ZNF804A: variants seen among roughly 807,000 people sequenced by gnomAD.
The protein encoded by ZNF804A is zinc finger protein 804A.
In ZNF804A, 2 loss-of-function variants were observed where a neutral mutation model predicts 16.5. The observed-to-expected ratio is 0.12, with a 90% CI of 0.05 to 0.38. ZNF804A has a LOEUF of 0.38. ZNF804A is among the 10% of genes least tolerant of loss of function. The pLI, the probability that ZNF804A is intolerant of heterozygous loss-of-function variation, is 0.99. For synonymous variants in ZNF804A, 534 were observed against 489.6 expected, an observed-to-expected ratio of 1.09 and a Z score of -1.20; for missense variants, 1,473 against 1,390.7, an observed-to-expected ratio of 1.06 and a Z score of -0.94.
At chr2:184,819,302 C>T (rs576469064) in intron 1 of ZNF804A, among the ~76,000 whole-genome samples, 24 of 152,116 alleles carry the variant, frequency 1.6e-4, no homozygotes, top group Middle Eastern at 3.4e-3. Flanking sequence ...CCCTGAACAA[C>T]CTGCTTCTGG....
intron 1 of ZNF804A, among the ~76,000 whole-genome samples, chr2:184,863,976 C>T (rs188051576): frequency 3.9e-5 from 6 of 152,152 alleles, no homozygotes; most frequent in Admixed American, 3.9e-4. Context: ...AGAAATGGTG[C>T]ATTACTTATT....
chr2:184,878,539 A>G (rs954012653), intron 2 of ZNF804A, among the ~76,000 whole-genome samples: 6 of 152,080 alleles, frequency 3.9e-5, no homozygotes, highest in African/African-American at 7.2e-5. Flanking sequence ...CATGCCCTCA[A>G]ACAAAGAATA....
intron 3 of ZNF804A, among the ~76,000 whole-genome samples, chr2:184,934,632 C>T (rs1685755904): frequency 6.6e-6 from 1 of 151,962 alleles, no homozygotes; most frequent in Non-Finnish European, 1.5e-5. Flanking sequence ...AAAAATTATA[C>T]AAATTTTAAC....
chr2:184,814,330 G>C (rs946981388), intron 1 of ZNF804A, among the ~76,000 whole-genome samples: 2 of 151,986 alleles, frequency 1.3e-5, no homozygotes, highest in South Asian at 2.1e-4. Context: ...GTGATTTCCA[G>C]TACTACTTTG....
intron 2 of ZNF804A, among the ~76,000 whole-genome samples, chr2:184,883,339 G>A (rs1286228018): frequency 6.6e-6 from 1 of 151,858 alleles, no homozygotes; most frequent in Non-Finnish European, 1.5e-5. Context: ...CACATTCTAT[G>A]AGACATATAA....
intron 1 of ZNF804A, among the ~76,000 whole-genome samples, chr2:184,663,261 T>G (rs566756749): frequency 6.6e-6 from 1 of 152,294 alleles, no homozygotes; most frequent in South Asian, 2.1e-4. Flanking sequence ...TTCCTGGCCT[T>G]TCCCTGCTCA....
At chr2:184,899,243 T>C (rs1685138190) in intron 2 of ZNF804A, among the ~76,000 whole-genome samples, 1 of 152,036 alleles carries the variant, frequency 6.6e-6, no homozygotes, top group South Asian at 2.1e-4. Context: ...TGTGTGACTA[T>C]TTGCAGGCAT....
At chr2:184,787,955 T>G (rs372144120) in intron 1 of ZNF804A, among the ~76,000 whole-genome samples, 2 of 151,988 alleles carry the variant, frequency 1.3e-5, no homozygotes, top group African/African-American at 2.4e-5. Context: ...GGTTTTATTT[T>G]AACATTTTTA....
rs1685799108 is a variant in ZNF804A at position 184,936,954 on chromosome 2, T to A, written c.1558T>A (p.Cys520Ser). The A allele has an allele frequency of 6.2e-7, 1 of 1,613,922 alleles. No homozygotes were observed. Among genetic ancestry groups the A allele is most frequent in the Non-Finnish European group, 8.5e-7 (1 of 1,179,944 alleles). The change falls in exon 4 of 4, where the codon TGC becomes AGC. Residue 520 changes from cysteine to serine, a missense_variant. Transcript: ENST00000302277. ...DYEIGSSKNK[C>S]SQVTPLLADD... ...TGAAATTGGAAGTAGCAAAAATAAA[T>A]GCAGCCAAGTCACTCCTCTTTTGGC...
At chr2:184,625,886 TGAGACG>T (rs1217110470) in intron 1 of ZNF804A, among the ~76,000 whole-genome samples, 1 of 152,188 alleles carries the variant, frequency 6.6e-6, no homozygotes, top group East Asian at 1.9e-4. Context: ...TTATTTTTTT[TGAGACG>T]GAGTCTCGTG....
At chr2:184,692,798 A>G (rs1363091933) in intron 1 of ZNF804A, among the ~76,000 whole-genome samples, 1 of 152,206 alleles carries the variant, frequency 6.6e-6, no homozygotes, top group Non-Finnish European at 1.5e-5. Context: ...CTACTATTTC[A>G]TGGCATTTAG....
At chr2:184,799,159 G>T (rs891106579) in intron 1 of ZNF804A, among the ~76,000 whole-genome samples, 1 of 151,974 alleles carries the variant, frequency 6.6e-6, no homozygotes, top group South Asian at 2.1e-4. Context: ...AGGGTCTGTG[G>T]GTCCTTTGGA....
intron 2 of ZNF804A, among the ~76,000 whole-genome samples, chr2:184,889,205 G>A (rs1342434778): frequency 6.6e-6 from 1 of 150,746 alleles, no homozygotes; most frequent in African/African-American, 2.4e-5. Flanking sequence ...GTTTCTTTCA[G>A]TATTTAAATT....
intron 2 of ZNF804A, among the ~76,000 whole-genome samples, chr2:184,888,795 G>A (rs2105821228): frequency 6.6e-6 from 1 of 152,078 alleles, no homozygotes; most frequent in Admixed American, 6.5e-5. Context: ...AACATGAGAG[G>A]GGAAGAGAAT....
At chr2:184,932,660 A>G (rs1028997499) in intron 2 of ZNF804A, among the ~76,000 whole-genome samples, 3 of 152,206 alleles carry the variant, frequency 2.0e-5, no homozygotes, top group Non-Finnish European at 2.9e-5. Context: ...AGATTCTGAC[A>G]TATTACAATT....
At chr2:184,647,722 G>A (rs527978176) in intron 1 of ZNF804A, among the ~76,000 whole-genome samples, 1 of 152,206 alleles carries the variant, frequency 6.6e-6, no homozygotes, top group Non-Finnish European at 1.5e-5. Context: ...AATTCTTCAA[G>A]AAATATGGGA....
chr2:184,601,697 A>AT (rs1691049085), intron 1 of ZNF804A, among the ~76,000 whole-genome samples: 1 of 151,860 alleles, frequency 6.6e-6, no homozygotes, highest in Non-Finnish European at 1.5e-5. Flanking sequence ...ACATTTTTGT[A>AT]TTTTGAATCG....
At chr2:184,818,385 C>T (rs1371269822) in intron 1 of ZNF804A, among the ~76,000 whole-genome samples, 1 of 151,934 alleles carries the variant, frequency 6.6e-6, no homozygotes, top group African/African-American at 2.4e-5. Flanking sequence ...ACCAGACCTG[C>T]CTTGCAAGAG....
At chr2:184,876,392 G>T (rs1684680504) in intron 2 of ZNF804A, among the ~76,000 whole-genome samples, 1 of 150,164 alleles carries the variant, frequency 6.7e-6, no homozygotes, top group African/African-American at 2.4e-5. Context: ...GGGATTTTTT[G>T]GTGTGTATGT....
Sources: gnomAD v4.1 joint callset for allele counts (sites outside exome capture counted in the v4.1 genomes callset) on GRCh38, gnomAD v4.1.1 for gene constraint, MANE v1.5 for transcripts, NCBI Gene and HGNC (gene_info 2026-07-23, HGNC 2026-07-21) for gene names.